KAT8: variants seen among roughly 807,000 people sequenced by gnomAD.
KAT8 encodes histone acetyltransferase KAT8.
In KAT8, 40 loss-of-function variants were observed where a neutral mutation model predicts 62.9. That is an observed-to-expected ratio of 0.64 (90% CI 0.49 to 0.83). The LOEUF (loss-of-function observed/expected upper bound fraction) is 0.83, where lower values mean the gene tolerates loss of function less well. Among genes scored for constraint, KAT8 ranks in the 40% least tolerant of loss-of-function variants. The pLI is 0.00. For synonymous variants in KAT8, 278 were observed against 254.5 expected (o/e 1.09, Z -0.88); for missense variants, 387 against 614.8 (o/e 0.63, Z 3.92).
chr16:31,127,848 G>A (rs964805091), intron 5 of KAT8, among the ~76,000 whole-genome samples: 2 of 152,220 alleles, frequency 1.3e-5, no homozygotes, highest in African/African-American at 4.8e-5. Context: ...GCTGTGTGAT[G>A]TTTGGATCTC....
In KAT8 at chr16:31,127,303, G is replaced by T; in HGVS notation, c.631G>T (p.Glu211Ter). The change falls in exon 5 of 11, where the codon GAG becomes TAG. Residue 211 changes from glutamate (E) to a stop codon, truncating the protein, a stop_gained. Coordinates refer to ENST00000219797, the MANE Select transcript of KAT8 (RefSeq NM_032188.3). LOFTEE classifies it high-confidence loss of function. ...GAAACAGCCCAAGCTCTGGCTCTGC[G>T]AGTACTGCCTCAAGTACATGAAATA... ...YGKQPKLWLCEYCLKYMKYEK... is the reference protein window; with the variant it reads ...YGKQPKLWLC 1 of 1,614,238 alleles carries T rather than the reference G, an allele frequency of 6.2e-7. No individual in the cohort carries two copies. Among genetic ancestry groups the T allele is most frequent in the South Asian group, 1.1e-5 (1 of 91,086 alleles).
intron 6 of KAT8, 121 bp from the exon 7 acceptor site, chr16:31,129,896 T>C (rs1038731099): frequency 2.9e-5 from 31 of 1,070,666 alleles, no homozygotes; most frequent in Non-Finnish European, 4.2e-6. Context: ...CTCCTTCCAG[T>C]GTGAAATCCT....
At chr16:31,127,685 TG>T (rs1383332075) in intron 5 of KAT8, among the ~76,000 whole-genome samples, 2 of 152,072 alleles carry the variant, frequency 1.3e-5, no homozygotes, top group African/African-American at 4.8e-5. Flanking sequence ...TGGATGAAAT[TG>T]GGGGCTGTCA....
chr16:31,130,355 C>G lies in KAT8; in HGVS notation c.1001C>G (p.Ala334Gly). Residue 334 changes from alanine to glycine, a missense_variant, in exon 8 of 11, where the codon GCT becomes GGT. Coordinates refer to ENST00000219797, the MANE Select transcript of KAT8 (RefSeq NM_032188.3). The part of the protein sequence containing the change: ...QRRGYGKFLI[A>G]FSYELSKLES... ...CGCGGCTACGGGAAGTTCCTCATCGCTTTCAGTGAGTGGTTCCTGGCCTGT... is the reference window on the plus strand; with the variant it reads ...CGCGGCTACGGGAAGTTCCTCATCGGTTTCAGTGAGTGGTTCCTGGCCTGT... The G allele has an allele frequency of 6.2e-7, 1 of 1,614,202 alleles. No individual in the cohort carries two copies. Among genetic ancestry groups the G allele is most frequent in the Non-Finnish European group, 8.5e-7 (1 of 1,180,024 alleles).
Position 31,120,455 on chromosome 16 carries a change from G to A in KAT8, c.403G>A (p.Glu135Lys). ...KYLSELAEQPERKITRNQKRK... is the reference protein window; with the variant it reads ...KYLSELAEQPKRKITRNQKRK... ...CCTGAGCGAGCTCGCAGAGCAGCCT[G>A]AGCGCAAGATCACTCGCAACCAAAA... Residue 135 changes from glutamate to lysine, a missense_variant, in exon 3 of 11, where the codon GAG becomes AAG. By Grantham distance (56) the Glu-to-Lys change is moderately conservative. Transcript: ENST00000219797. The A allele has an allele frequency of 6.2e-7, 1 of 1,613,800 alleles. No homozygotes were observed. Among genetic ancestry groups the A allele is most frequent in the Non-Finnish European group, 8.5e-7 (1 of 1,179,990 alleles).
At chr16:31,127,940 A>T (rs72785554) in intron 5 of KAT8, 110 bp from the exon 6 acceptor site, 28 of 761,332 alleles carry the variant, frequency 3.7e-5, no homozygotes, top group Admixed American at 6.0e-5. Context: ...TGAAGTGTTG[A>T]GGGGGGAAAC....
chr16:31,122,776 G>A (rs2057506316), intron 3 of KAT8, among the ~76,000 whole-genome samples: 2 of 151,916 alleles, frequency 1.3e-5, no homozygotes, highest in African/African-American at 4.8e-5. Context: ...AGCTACTCGG[G>A]AGGCTGAGGT....
chr16:31,123,365 C>CACCA lies in KAT8; in HGVS notation c.462+2852_462+2855dup, dbSNP rs2057511525. On this transcript the variant is annotated intron_variant, in intron 3 of 10. Coordinates refer to ENST00000219797, the MANE Select transcript of KAT8 (RefSeq NM_032188.3). ...CCAAGTAGCTGGGACTACAGGCACGCACCATCATGCCTGGCTAATTTTTGT... is the reference window on the plus strand; with the variant it reads ...CCAAGTAGCTGGGACTACAGGCACGCACCAACCATCATGCCTGGCTAATTTTTGT... Among the ~76,000 whole-genome samples, 7 of 151,618 alleles carry CACCA rather than the reference C, an allele frequency of 4.6e-5. No individual in the cohort carries two copies. The South Asian group carries it at 1.5e-3, about 32-fold the overall frequency.
intron 3 of KAT8, among the ~76,000 whole-genome samples, chr16:31,124,406 C>T (rs888385520): frequency 1.3e-5 from 2 of 152,136 alleles, no homozygotes; most frequent in African/African-American, 4.8e-5. Context: ...CTCTGGGAAG[C>T]TGAGATGATT....
Position 31,130,610 on chromosome 16 carries a change from AG to A in KAT8, c.1157+9del, listed in dbSNP as rs35826008. The A allele has an allele frequency of 6.2e-7, 1 of 1,613,870 alleles. No homozygotes were observed. Among genetic ancestry groups the A allele is most frequent in the Non-Finnish European group, 8.5e-7 (1 of 1,179,862 alleles). ...CACTGTCCATCAAGGACCTCAGGTG[AG>A]GGGGCCTCCCGGGCCCTGGGGGCAG... On this transcript the variant is annotated splice_donor_5th_base_variant and intron_variant, in intron 9 of 10. Coordinates refer to ENST00000219797, the MANE Select transcript of KAT8 (RefSeq NM_032188.3).
intron 8 of KAT8, 21 bp downstream of exon 8, chr16:31,130,381 C>G (rs1285941484): frequency 6.2e-6 from 10 of 1,613,996 alleles, no homozygotes; most frequent in Non-Finnish European, 7.6e-6. Context: ...CCTGGCCTGT[C>G]TGGGAGGGGG....
In KAT8 at chr16:31,130,368, G is replaced by A. The variant is rs779312489; in HGVS notation, c.1006+8G>A. The A allele has an allele frequency of 6.2e-7, 1 of 1,614,212 alleles. No homozygotes were observed. Among genetic ancestry groups the A allele is most frequent in the South Asian group, 1.1e-5 (1 of 91,090 alleles). ...AGTTCCTCATCGCTTTCAGTGAGTG[G>A]TTCCTGGCCTGTCTGGGAGGGGGAG... On this transcript the variant is annotated splice_region_variant and intron_variant, in intron 8 of 10. Transcript: ENST00000219797.
At chr16:31,123,818 A>G (rs2143975986) in intron 3 of KAT8, 1 of 152,316 alleles carries the variant, frequency 6.6e-6, no homozygotes, top group South Asian at 2.1e-4. Flanking sequence ...AGCTGAGTAT[A>G]ATTTTAAATA....
intron 3 of KAT8, among the ~76,000 whole-genome samples, chr16:31,124,402 G>C (rs547567380): frequency 6.5e-4 from 99 of 152,328 alleles, no homozygotes; most frequent in African/African-American, 2.3e-3. Flanking sequence ...AGCACTCTGG[G>C]AAGCTGAGAT....
At chr16:31,120,287 G>C in intron 2 of KAT8, 27 bp downstream of exon 2, 4 of 1,613,950 alleles carry the variant, frequency 2.5e-6, no homozygotes, top group Non-Finnish European at 3.4e-6. Flanking sequence ...ATCTGGGCGT[G>C]GGTGCAGGGA....
chr16:31,129,963 T>C (rs2057561407), intron 6 of KAT8, 54 bp from the exon 7 acceptor site: 1 of 1,595,816 alleles, frequency 6.3e-7, no homozygotes, highest in Non-Finnish European at 8.5e-7. Context: ...TGGAACCAGC[T>C]GGGTGGGGCC....
At position 31,131,248 on chromosome 16, in the gene KAT8, T is replaced by G. The variant is rs1320786813; in HGVS notation, c.1366T>G (p.Ser456Ala). Reference sequence around the variant, plus strand: ...CCCCAAGCACAAGCAAGTCAAGCTCTCCAAGAAGTGAGCAGCCTGGCCCCT... The same window carrying G: ...CCCCAAGCACAAGCAAGTCAAGCTCGCCAAGAAGTGAGCAGCCTGGCCCCT... The part of the protein sequence containing the change: ...APPKHKQVKL[S>A]KK The change falls in exon 11 of 11, where the codon TCC (serine) becomes GCC (alanine). Residue 456 changes from serine (S) to alanine (A), a missense_variant. Ser to Ala is a moderately conservative substitution (Grantham distance 99, BLOSUM62 1). Transcript: ENST00000219797. 1 of 1,614,144 alleles carries G rather than the reference T, an allele frequency of 6.2e-7. No homozygotes were observed. Among genetic ancestry groups the G allele is most frequent in the Non-Finnish European group, 8.5e-7 (1 of 1,180,004 alleles).
At chr16:31,118,739 C>T (rs576350701) in intron 1 of KAT8, 1 of 152,246 alleles carries the variant, frequency 6.6e-6, no homozygotes, top group East Asian at 1.9e-4. Flanking sequence ...CCTCTGTACC[C>T]GGCAACAACA....
chr16:31,125,928 G>T (rs913795334), intron 3 of KAT8: 1 of 152,220 alleles, frequency 6.6e-6, no homozygotes, highest in Non-Finnish European at 1.5e-5. Context: ...ACCCAGGTGG[G>T]CATACTTGGA....
Sources: gnomAD v4.1 joint callset for allele counts (sites outside exome capture counted in the v4.1 genomes callset) on GRCh38, gnomAD v4.1.1 for gene constraint, MANE v1.5 for transcripts, NCBI Gene and HGNC (gene_info 2026-07-23, HGNC 2026-07-21) for gene names.